The following PTPRT variants were observed in gnomAD, a reference collection of about 807,000 sequenced individuals.
PTPRT encodes receptor-type tyrosine-protein phosphatase T.
Under a neutral mutation model 176.8 loss-of-function variants are expected in PTPRT, and 56 were observed. That is an observed-to-expected ratio of 0.32 (90% CI 0.26 to 0.40). The LOEUF (loss-of-function observed/expected upper bound fraction) is 0.40. Ranked by LOEUF, PTPRT falls within the 10% of genes least tolerant of loss-of-function variation. The probability of loss-of-function intolerance (pLI) is 1.00; values close to 1 mark genes in which losing one functional copy is unlikely to be tolerated. For missense variants in PTPRT, 1,540 were observed against 1,908.2 expected (o/e 0.81, Z 3.60); for synonymous variants, 783 against 739.0 (o/e 1.06, Z -0.96).
chr20:42,294,342 A>G (rs917487452), intron 12 of PTPRT, among the ~76,000 whole-genome samples: 4 of 152,182 alleles, frequency 2.6e-5, no homozygotes, highest in Admixed American at 2.6e-4. Context: ...AATAGGTTCA[A>G]TGGGTGAAAA....
intron 7 of PTPRT, among the ~76,000 whole-genome samples, chr20:42,598,526 C>T (rs1352446974): frequency 6.6e-6 from 1 of 152,106 alleles, no homozygotes; most frequent in East Asian, 1.9e-4. Flanking sequence ...AGGGAAGACA[C>T]AAAATTTTAA....
chr20:42,713,043 T>A (rs1392768302), intron 6 of PTPRT, among the ~76,000 whole-genome samples: 2 of 152,138 alleles, frequency 1.3e-5, no homozygotes, highest in East Asian at 3.8e-4. Flanking sequence ...TGAAATACGC[T>A]ACAATTTATG....
intron 1 of PTPRT, among the ~76,000 whole-genome samples, chr20:42,921,601 C>T (rs1172781122): frequency 1.3e-5 from 2 of 152,282 alleles, no homozygotes; most frequent in South Asian, 2.1e-4. Context: ...AAAAACAACA[C>T]AAAAATTTTC....
chr20:43,117,674 A>G (rs2013109672), intron 1 of PTPRT, among the ~76,000 whole-genome samples: 1 of 152,146 alleles, frequency 6.6e-6, no homozygotes, highest in Non-Finnish European at 1.5e-5. Context: ...TCAGAAAAAC[A>G]AGTGCACTGT....
rs1260887321 is a variant in PTPRT, at chr20:42,102,196, C to T, written c.3642G>A (p.Leu1214=). The change falls in exon 26 of 31, where the codon CTG becomes CTA. Residue 1214 remains leucine (L), a synonymous_variant. Coordinates refer to ENST00000373187, the MANE Select transcript of PTPRT (RefSeq NM_007050.6). The stretch of plus-strand genomic sequence containing the variant: ...AGATAAGGAAGGGCAGGCAGCGGTC[C>T]AGAGGCAGCACGTCCATACTTCGAT... The part of the protein sequence containing the change: ...DKNRSMDVLP[L]DRCLPFLISV... The T allele has an allele frequency of 6.2e-7, 1 of 1,614,186 alleles. No individual in the cohort carries two copies. The highest frequency in any genetic ancestry group is 1.1e-5 in the South Asian group (1 of 91,078).
chr20:42,643,064 C>G (rs534284301), intron 7 of PTPRT, among the ~76,000 whole-genome samples: 2 of 152,210 alleles, frequency 1.3e-5, no homozygotes, highest in South Asian at 2.1e-4. Flanking sequence ...AGTCACCCAG[C>G]TGAAGCCACC....
intron 1 of PTPRT, among the ~76,000 whole-genome samples, chr20:43,137,383 A>T (rs1568806499): frequency 6.6e-6 from 1 of 152,160 alleles, no homozygotes; most frequent in African/African-American, 2.4e-5. Context: ...ACTAATTTCC[A>T]TACTGCCTGT....
At chr20:43,118,025 T>C (rs2013121353) in intron 1 of PTPRT, among the ~76,000 whole-genome samples, 1 of 152,208 alleles carries the variant, frequency 6.6e-6, no homozygotes, top group Admixed American at 6.5e-5. Context: ...TTACCTTTCA[T>C]GAGTTCAGAA....
chr20:42,725,917 C>T (rs988147337), intron 6 of PTPRT, among the ~76,000 whole-genome samples: 4 of 152,008 alleles, frequency 2.6e-5, no homozygotes, highest in African/African-American at 9.7e-5. Context: ...CTCTTTTATG[C>T]CCCTTTTGAT....
intron 1 of PTPRT, among the ~76,000 whole-genome samples, chr20:42,892,862 C>T (rs2079219518): frequency 6.6e-6 from 1 of 152,176 alleles, no homozygotes; most frequent in African/African-American, 2.4e-5. Flanking sequence ...TATGCTTGCA[C>T]TTTATTGTTC....
rs116704523 is a variant in PTPRT at position 42,977,825 on chromosome 20, C to T, written c.89-91893G>A. ...GTTTTCCTCAGTTTTCTATCTCAAT[C>T]TTGTGATAAAATCCTTTTATATTAC... On this transcript the variant is annotated intron_variant, in intron 1 of 30. Transcript: ENST00000373187. Among the ~76,000 whole-genome samples, 1,507 of 152,330 alleles carry T rather than the reference C, an allele frequency of 9.9e-3. 26 individuals carry two copies. The highest frequency in any genetic ancestry group is 0.034 in the African/African-American group (1,431 of 41,580).
At position 43,032,550 on chromosome 20, in the gene PTPRT, G is replaced by T. The variant is rs560879535; in HGVS notation, c.89-146618C>A. On this transcript the variant is annotated intron_variant, in intron 1 of 30. Transcript: ENST00000373187. The stretch of plus-strand genomic sequence containing the variant: ...GAAATATATATAATTAATCCAGAAG[G>T]GAGAAGGGAAACCATTTTTGTACCT... Among the ~76,000 whole-genome samples, 14 of 151,518 alleles carry T rather than the reference G, an allele frequency of 9.2e-5. No homozygotes were observed. In the South Asian group the frequency reaches 2.7e-3, roughly 30 times the overall value.
intron 9 of PTPRT, among the ~76,000 whole-genome samples, chr20:42,425,920 G>A (rs2059159177): frequency 6.6e-6 from 1 of 152,146 alleles, no homozygotes; most frequent in Non-Finnish European, 1.5e-5. Flanking sequence ...GGAAGGGGCT[G>A]CCAATAAGCA....
chr20:42,409,660 G>T (rs1186705132), intron 9 of PTPRT, among the ~76,000 whole-genome samples: 1 of 152,190 alleles, frequency 6.6e-6, no homozygotes, highest in East Asian at 1.9e-4. Context: ...AGTTTTAGAA[G>T]AATGTTAAAG....
chr20:42,240,798 C>T (rs1217336444), intron 14 of PTPRT, among the ~76,000 whole-genome samples: 1 of 152,154 alleles, frequency 6.6e-6, no homozygotes, highest in Admixed American at 6.5e-5. Flanking sequence ...CAAAGGCCTA[C>T]TATATCCTTA....
chr20:42,621,386 G>C (rs561574652), intron 7 of PTPRT, among the ~76,000 whole-genome samples: 1 of 152,218 alleles, frequency 6.6e-6, no homozygotes, highest in South Asian at 2.1e-4. Context: ...ACAACCTCCT[G>C]TCCCCACCAC....
chr20:42,060,609 TTC>T, the PTPRT span, among the ~76,000 whole-genome samples: 1 of 152,230 alleles, frequency 6.6e-6, no homozygotes, highest in Non-Finnish European at 1.5e-5. Flanking sequence ...TGCACAAGTT[TTC>T]TCTCTCTGCC....
At chr20:42,491,069 A>C (rs1317740668) in intron 7 of PTPRT, among the ~76,000 whole-genome samples, 1 of 152,128 alleles carries the variant, frequency 6.6e-6, no homozygotes, top group Admixed American at 6.5e-5. Flanking sequence ...TAAAGTAGTG[A>C]ATTGCACGAA....
chr20:42,964,457 C>A (rs1428116659), intron 1 of PTPRT, among the ~76,000 whole-genome samples: 1 of 152,092 alleles, frequency 6.6e-6, no homozygotes, highest in Non-Finnish European at 1.5e-5. Context: ...AATATATCAA[C>A]TATCATGACC....
Sources: gnomAD v4.1 joint callset for allele counts (sites outside exome capture counted in the v4.1 genomes callset) on GRCh38, gnomAD v4.1.1 for gene constraint, MANE v1.5 for transcripts, NCBI Gene and HGNC (gene_info 2026-07-23, HGNC 2026-07-21) for gene names.